B3GLCT: variants seen among roughly 807,000 people sequenced by gnomAD.
B3GLCT encodes the protein beta 3-glucosyltransferase.
Under a neutral mutation model 63.4 loss-of-function variants are expected in B3GLCT, and 65 were observed. The observed-to-expected ratio is 1.03, with a 90% CI of 0.84 to 1.26. B3GLCT has a LOEUF of 1.26. Ranked by LOEUF, B3GLCT falls within the 50% of genes most tolerant of loss-of-function variation. The pLI is 0.00. For missense variants in B3GLCT, 577 were observed against 604.8 expected (o/e 0.95, Z 0.48); for synonymous variants, 233 against 219.2 (o/e 1.06, Z -0.55).
At chr13:31,295,755 TG>T (rs1204979191) in intron 12 of B3GLCT, among the ~76,000 whole-genome samples, 1 of 152,174 alleles carries the variant, frequency 6.6e-6, no homozygotes, top group African/African-American at 2.4e-5. Context: ...CTGGGCTCCG[TG>T]GGGGTGGGGT....
chr13:31,270,370 T>A (rs753389485), intron 8 of B3GLCT, among the ~76,000 whole-genome samples: 5 of 152,232 alleles, frequency 3.3e-5, no homozygotes, highest in Non-Finnish European at 7.3e-5. Flanking sequence ...TACAGAATAT[T>A]TGAGTAGAAA....
chr13:31,305,338 T>C (rs1593310026), intron 12 of B3GLCT, among the ~76,000 whole-genome samples: 2 of 114,630 alleles, frequency 1.7e-5, no homozygotes, highest in Admixed American at 1.0e-4. Flanking sequence ...CAGAGCAGAA[T>C]GGAAGGAAAT....
intron 8 of B3GLCT, among the ~76,000 whole-genome samples, chr13:31,272,001 T>A (rs1301974981): frequency 6.6e-6 from 1 of 152,174 alleles, no homozygotes; most frequent in African/African-American, 2.4e-5. Context: ...GTTTGCCTCA[T>A]AATCGTTTTT....
chr13:31,203,047 G>C (rs535346353), intron 1 of B3GLCT, among the ~76,000 whole-genome samples: 192 of 152,300 alleles, frequency 1.3e-3, no homozygotes, highest in Non-Finnish European at 2.4e-3. Context: ...ATAGGTATTA[G>C]CTTTTATTTT....
intron 10 of B3GLCT, among the ~76,000 whole-genome samples, chr13:31,281,906 A>G (rs1015056802): frequency 2.6e-5 from 4 of 152,212 alleles, no homozygotes; most frequent in Non-Finnish European, 5.9e-5. Flanking sequence ...GTAAAAATGC[A>G]TGTTCTGTCC....
At position 31,316,569 on chromosome 13, in the gene B3GLCT, G is replaced by C. The variant is rs887713553; in HGVS notation, c.1065-997G>C. The stretch of plus-strand genomic sequence containing the variant: ...GTTTTGCACTTGCATGGGGCCTGTG[G>C]CCCCTTTGTTTTGGCCATTTTCTCA... On this transcript the variant is annotated intron_variant, in intron 12 of 14. Transcript: ENST00000343307. Among the ~76,000 whole-genome samples, 8 of 151,138 alleles carry C rather than the reference G, an allele frequency of 5.3e-5. No homozygotes were observed. The East Asian group carries it at 1.6e-3, about 30-fold the overall frequency.
chr13:31,270,549 A>C (rs965647706), intron 8 of B3GLCT, among the ~76,000 whole-genome samples: 3 of 152,184 alleles, frequency 2.0e-5, no homozygotes, highest in African/African-American at 4.8e-5. Context: ...ACATATATGA[A>C]AGGTATAAAG....
chr13:31,238,417 C>T lies in B3GLCT; in HGVS notation c.271-8606C>T, dbSNP rs1303261177. Among the ~76,000 whole-genome samples the T allele has an allele frequency of 4.6e-5, 7 of 152,170 alleles. No individual in the cohort carries two copies. In the South Asian group the frequency reaches 1.2e-3, roughly 27 times the overall value. On this transcript the variant is annotated intron_variant, in intron 4 of 14. Coordinates refer to ENST00000343307, the MANE Select transcript of B3GLCT (RefSeq NM_194318.4). Reference sequence around the variant, plus strand: ...ATCTCCAGTTTTGAAGCTTATCATGCAGTTATAATGGTGCTGAGGTTGATA... The same window carrying T: ...ATCTCCAGTTTTGAAGCTTATCATGTAGTTATAATGGTGCTGAGGTTGATA...
chr13:31,210,233 G>A (rs1869186222), intron 1 of B3GLCT, among the ~76,000 whole-genome samples: 1 of 152,110 alleles, frequency 6.6e-6, no homozygotes, highest in Non-Finnish European at 1.5e-5. Context: ...CCCTGTTGCA[G>A]TTTACCAGAA....
At chr13:31,258,793 G>A (rs191898954) in intron 6 of B3GLCT, among the ~76,000 whole-genome samples, 15 of 152,234 alleles carry the variant, frequency 9.9e-5, no homozygotes, top group South Asian at 2.1e-4. Flanking sequence ...TGTTCTCACC[G>A]GAGTTTATAG....
rs201619554 is a variant in B3GLCT at position 31,329,851 on chromosome 13, A to T, written c.*183A>T. ...GAAGAAAAGGGGTCACAGGAGAAAC[A>T]TTTTTTTTTCTGGGAAAAATCACTT... On this transcript the variant is annotated 3_prime_UTR_variant, in exon 15 of 15. Coordinates refer to ENST00000343307, the MANE Select transcript of B3GLCT (RefSeq NM_194318.4). 1.1e-4 allele frequency: 70 copies of T among 647,610 alleles called. No individual in the cohort carries two copies. The East Asian group carries it at 1.4e-3, about 13-fold the overall frequency. The allele number at this position is 647,610 out of a possible 1,614,324, so 40.1% of individuals were successfully genotyped here.
chr13:31,208,619 G>GC (rs11377541), intron 1 of B3GLCT, among the ~76,000 whole-genome samples: 9,048 of 70,634 alleles, frequency 0.13, 881 homozygotes, highest in Non-Finnish European at 0.18. Context: ...TTCTTTAGTG[G>GC]CCCCCCCCCC....
intron 1 of B3GLCT, among the ~76,000 whole-genome samples, chr13:31,208,388 G>A (rs1178081748): frequency 6.6e-6 from 1 of 152,128 alleles, no homozygotes; most frequent in Non-Finnish European, 1.5e-5. Context: ...GCGCTGTGGA[G>A]ACTCTAGTGC....
intron 12 of B3GLCT, among the ~76,000 whole-genome samples, chr13:31,309,423 C>T (rs1874585730): frequency 6.6e-6 from 1 of 152,182 alleles, no homozygotes; most frequent in African/African-American, 2.4e-5. Flanking sequence ...CCTTAGATCC[C>T]ACAGGTTGAC....
chr13:31,330,292 G>A lies in B3GLCT; in HGVS notation c.*624G>A, dbSNP rs996047550. On this transcript the variant is annotated 3_prime_UTR_variant, in exon 15 of 15. Transcript: ENST00000343307. Reference sequence around the variant, plus strand: ...GTTATGTTTTGTCTATTCTTTTGCTGTTTGTGCCTCATAAAAAGAGAATGA... The same window carrying A: ...GTTATGTTTTGTCTATTCTTTTGCTATTTGTGCCTCATAAAAAGAGAATGA... The A allele has an allele frequency of 6.6e-6, 1 of 152,250 alleles. No homozygotes were observed. The highest frequency in any genetic ancestry group is 1.5e-5 in the Non-Finnish European group (1 of 68,128). The allele number at this position is 152,250 out of a possible 1,614,324, so 9.4% of individuals were successfully genotyped here.
At chr13:31,222,836 T>C in intron 2 of B3GLCT, 116 bp from the exon 3 acceptor site, 1 of 754,914 alleles carries the variant, frequency 1.3e-6, no homozygotes, top group East Asian at 2.6e-5. Context: ...AGCTCCGTTT[T>C]TCAAATCTTC....
chr13:31,266,960 G>A (rs1480052070), intron 7 of B3GLCT, among the ~76,000 whole-genome samples: 1 of 151,890 alleles, frequency 6.6e-6, no homozygotes, highest in African/African-American at 2.4e-5. Flanking sequence ...TAGTAGAGAC[G>A]GGGTTTCACC....
intron 12 of B3GLCT, chr13:31,312,902 G>A (rs1165737339): frequency 1.3e-5 from 2 of 152,312 alleles, no homozygotes; most frequent in East Asian, 1.9e-4. Context: ...CTCTTATTAC[G>A]AGGCAGTCCT....
At chr13:31,210,876 CTGGGACTACAGG>C (rs1236162277) in intron 1 of B3GLCT, among the ~76,000 whole-genome samples, 2 of 152,094 alleles carry the variant, frequency 1.3e-5, no homozygotes, top group Non-Finnish European at 2.9e-5. Context: ...TCCCAAGTAG[CTGGGACTACAGG>C]TGTGCACTAG....
Sources: allele counts gnomAD v4.1 joint callset (sites outside exome capture counted in the v4.1 genomes callset), GRCh38; gene constraint gnomAD v4.1.1; transcripts MANE v1.5; gene names NCBI Gene and HGNC (gene_info 2026-07-23, HGNC 2026-07-21).